Variants in NAA11 observed in about 807,000 individuals in gnomAD.
NAA11 encodes N-alpha-acetyltransferase 11.
NAA11 carries 15 observed loss-of-function variants against 16.1 expected under a neutral mutation model. The ratio of observed to expected loss-of-function variants is 0.93; its 90% CI spans 0.62 to 1.44. The LOEUF is 1.44. Among genes scored for constraint, NAA11 ranks in the 40% most tolerant of loss-of-function variants. The pLI is 0.00. For synonymous variants in NAA11, 122 were observed against 112.4 expected (o/e 1.09, Z -0.54); for missense variants, 298 against 291.3 (o/e 1.02, Z -0.17).
the NAA11 span, among the ~76,000 whole-genome samples, chr4:79,219,011 A>G: frequency 6.6e-6 from 1 of 152,154 alleles, no homozygotes; most frequent in African/African-American, 2.4e-5. Context: ...TATAACATAT[A>G]TACACATGTA....
At chr4:79,289,074 G>A (rs1179814165) in intron 2 of NAA11, among the ~76,000 whole-genome samples, 2 of 152,082 alleles carry the variant, frequency 1.3e-5, no homozygotes, top group Admixed American at 6.5e-5. Context: ...TTTAAAAATT[G>A]CAGTGAATAT....
chr4:79,169,509 T>A, the NAA11 span, among the ~76,000 whole-genome samples: 1 of 151,900 alleles, frequency 6.6e-6, no homozygotes, highest in Non-Finnish European at 1.5e-5. Context: ...ATGGGGAAAA[T>A]ATTCCCTATT....
chr4:79,202,421 T>G, the NAA11 span, among the ~76,000 whole-genome samples: 1 of 150,240 alleles, frequency 6.7e-6, no homozygotes, highest in Admixed American at 6.7e-5. Flanking sequence ...CCTGAGTTTA[T>G]AATGTTTTTC....
the NAA11 span, among the ~76,000 whole-genome samples, chr4:79,220,249 C>T: frequency 1.7e-4 from 26 of 152,288 alleles, no homozygotes; most frequent in African/African-American, 6.0e-4. Flanking sequence ...GGCGCCACTA[C>T]GCCCGGCTAA....
the NAA11 span, among the ~76,000 whole-genome samples, chr4:79,160,543 A>G: frequency 6.6e-6 from 1 of 152,188 alleles, no homozygotes; most frequent in Non-Finnish European, 1.5e-5. Flanking sequence ...TTTTTATTAC[A>G]GCAATGACTG....
At chr4:79,196,979 AAAAG>A in the NAA11 span, among the ~76,000 whole-genome samples, 22 of 125,554 alleles carry the variant, frequency 1.8e-4, no homozygotes, top group South Asian at 2.5e-4. Context: ...AAAAAAAAAA[AAAAG>A]AAAGAAAGAA....
downstream of NAA11, among the ~76,000 whole-genome samples, chr4:79,223,472 A>G (rs2109950230): frequency 8.0e-6 from 1 of 124,510 alleles, no homozygotes; most frequent in East Asian, 2.5e-4. Flanking sequence ...AGGAAGGGGA[A>G]TATCACACTC....
At chr4:79,161,717 C>T in the NAA11 span, among the ~76,000 whole-genome samples, 274 of 151,840 alleles carry the variant, frequency 1.8e-3, no homozygotes, top group Non-Finnish European at 2.9e-3. Context: ...CTCTGTCGCC[C>T]AGGCTGGAGT....
At position 79,325,669 on chromosome 4, in the gene NAA11, C is replaced by G; in HGVS notation, c.209G>C (p.Gly70Ala). ...CTTCACGGCCAGTGAGGTGATATGGCCATGCGGGACATCATCTGGTTCCTC... is the reference window on the plus strand; with the variant it reads ...CTTCACGGCCAGTGAGGTGATATGGGCATGCGGGACATCATCTGGTTCCTC... ...MEEEPDDVPHGHITSLAVKRS... is the reference protein window; with the variant it reads ...MEEEPDDVPHAHITSLAVKRS... The change falls in exon 1 of 2, where the codon GGC (glycine) becomes GCC (alanine). Residue 70 changes from glycine to alanine, a missense_variant. Physicochemically the swap from Gly to Ala is moderately conservative, Grantham distance 60. Coordinates refer to ENST00000286794, the MANE Select transcript of NAA11 (RefSeq NM_032693.3). The G allele has an allele frequency of 6.2e-7, 1 of 1,614,064 alleles. No individual in the cohort carries two copies.
At chr4:79,259,615 C>A (rs2109973254) in intron 2 of NAA11, among the ~76,000 whole-genome samples, 1 of 152,348 alleles carries the variant, frequency 6.6e-6, no homozygotes, top group African/African-American at 2.4e-5. Context: ...CCAAACAAAA[C>A]TTGGGCAAAC....
At chr4:79,170,728 GCCTCAGGCTTTCTCTCCTTTT>G in the NAA11 span, among the ~76,000 whole-genome samples, 1 of 152,046 alleles carries the variant, frequency 6.6e-6, no homozygotes, top group Non-Finnish European at 1.5e-5. Flanking sequence ...TTCATTACCA[GCCTCAGGCTTTCTCTCCTTTT>G]CCTCTGTTCC....
chr4:79,284,498 A>G (rs574043372), intron 2 of NAA11, among the ~76,000 whole-genome samples: 2 of 152,242 alleles, frequency 1.3e-5, no homozygotes, highest in East Asian at 1.9e-4. Flanking sequence ...AAAATCTACC[A>G]TTAGTCATCA....
At chr4:79,280,519 C>T (rs1244220102) in intron 2 of NAA11, among the ~76,000 whole-genome samples, 2 of 151,950 alleles carry the variant, frequency 1.3e-5, no homozygotes, top group Non-Finnish European at 2.9e-5. Context: ...CTGAGTCTGT[C>T]GTGGTTTTTT....
intron 2 of NAA11, among the ~76,000 whole-genome samples, chr4:79,240,824 G>A (rs1560415237): frequency 6.6e-6 from 1 of 152,126 alleles, no homozygotes; most frequent in Non-Finnish European, 1.5e-5. Context: ...ATTCTCTGTG[G>A]TGTCTCCTAA....
chr4:79,159,988 C>G, the NAA11 span, among the ~76,000 whole-genome samples: 2 of 145,714 alleles, frequency 1.4e-5, no homozygotes, highest in Admixed American at 1.3e-4. Context: ...GTTGTTTCTA[C>G]TTTCTTTTTT....
chr4:79,210,741 C>T, the NAA11 span, among the ~76,000 whole-genome samples: 4 of 152,128 alleles, frequency 2.6e-5, no homozygotes, highest in South Asian at 6.2e-4. Flanking sequence ...AAGAAAGGCT[C>T]TGCAAGACTC....
chr4:79,234,958 G>C (rs1443718308), intron 2 of NAA11, among the ~76,000 whole-genome samples: 2 of 152,034 alleles, frequency 1.3e-5, no homozygotes, highest in African/African-American at 4.8e-5. Flanking sequence ...ATAGCATTGT[G>C]AGACAGTTTG....
chr4:79,303,362 C>T (rs943740427), intron 1 of NAA11, among the ~76,000 whole-genome samples: 1 of 151,894 alleles, frequency 6.6e-6, no homozygotes, highest in African/African-American at 2.4e-5. Context: ...CTCTGTCGCT[C>T]AGGCTGGAGT....
rs1252563174 is a variant in NAA11 at position 79,325,443 on chromosome 4, A to G, written c.435T>C (p.Tyr145=). Residue 145 remains tyrosine (Y), a synonymous_variant, in exon 1 of 2, where the codon TAT becomes TAC. Coordinates refer to ENST00000286794, the MANE Select transcript of NAA11 (RefSeq NM_032693.3). ...PKYYADGEDA[Y]AMKRDLSQMA... ...TCTGCGAGAGATCCCGCTTCATAGC[A>G]TAAGCATCTTCCCCATCTGCATAGT... The G allele has an allele frequency of 1.2e-6, 2 of 1,614,108 alleles. No individual in the cohort carries two copies. Among genetic ancestry groups the G allele is most frequent in the Non-Finnish European group, 1.7e-6 (2 of 1,180,050 alleles).
Sources: allele counts gnomAD v4.1 joint callset (sites outside exome capture counted in the v4.1 genomes callset), GRCh38; gene constraint gnomAD v4.1.1; transcripts MANE v1.5; gene names NCBI Gene and HGNC (gene_info 2026-07-23, HGNC 2026-07-21).